The following ACOT11 variants were observed in gnomAD, a reference collection of about 807,000 sequenced individuals.
ACOT11 encodes acyl-coenzyme A thioesterase 11.
In ACOT11, 69 loss-of-function variants were observed where a neutral mutation model predicts 77.5. The ratio of observed to expected loss-of-function variants is 0.89; its 90% confidence interval spans 0.73 to 1.09. The LOEUF is 1.09. Ranked by LOEUF, ACOT11 falls within the 50% of genes least tolerant of loss-of-function variation. The pLI, the probability that ACOT11 is intolerant of heterozygous loss-of-function variation, is 0.00. For synonymous variants in ACOT11, 279 were observed against 313.0 expected, an observed-to-expected ratio of 0.89 and a Z score of 1.15; for missense variants, 766 against 813.7, an observed-to-expected ratio of 0.94 and a Z score of 0.71.
downstream of ACOT11, among the ~76,000 whole-genome samples, chr1:54,614,215 G>C (rs556557428): frequency 1.3e-5 from 2 of 152,274 alleles, no homozygotes; most frequent in Non-Finnish European, 2.9e-5. Context: ...GTATGTGAGG[G>C]CTGTGAGCAG....
In ACOT11 at chr1:54,548,369, G is replaced by T. The variant is rs748352795; in HGVS notation, c.33+27G>T. On this transcript the variant is annotated intron_variant, in intron 1 of 15. Coordinates refer to ENST00000343744, the MANE Select transcript of ACOT11 (RefSeq NM_147161.4). ...TATGGAGGGTGGGCTGGGGCAGCGG[G>T]AGGGCTCTGGAAGCTGGGCACCCAG... is the stretch of plus-strand genomic sequence containing the variant. The T allele has an allele frequency of 1.3e-5, 20 of 1,595,468 alleles. No homozygotes were observed. Among genetic ancestry groups the T allele is most frequent in the Non-Finnish European group, 1.6e-5 (19 of 1,171,216 alleles).
downstream of ACOT11, among the ~76,000 whole-genome samples, chr1:54,613,451 T>G (rs1644139644): frequency 6.6e-6 from 1 of 151,662 alleles, no homozygotes; most frequent in Admixed American, 6.6e-5. Flanking sequence ...CTTCCCTTCA[T>G]GTCTTTCTCT....
intron 3 of ACOT11, among the ~76,000 whole-genome samples, chr1:54,587,062 A>C (rs528511767): frequency 1.9e-4 from 29 of 152,234 alleles, no homozygotes; most frequent in Admixed American, 1.2e-3. Flanking sequence ...CCCTCACCAC[A>C]CACTTAATAT....
In ACOT11 at chr1:54,559,010, CCT is replaced by C. The variant is rs572317909; in HGVS notation, c.33+10669_33+10670del. 1.8e-3 allele frequency among the ~76,000 whole-genome samples: 277 copies of C among 152,302 alleles called. 1 individual carries two copies. The highest frequency in any genetic ancestry group is 2.0e-3 in the Non-Finnish European group (133 of 68,022). On this transcript the variant is annotated intron_variant, in intron 1 of 15. Coordinates refer to ENST00000343744, the MANE Select transcript of ACOT11 (RefSeq NM_147161.4). ...GTCTCAGCTGCCTCCCCATTCACCC[CCT>C]GACTCCTCACAACAGGGAGGTGGGT...
intron 16 of ACOT11, among the ~76,000 whole-genome samples, chr1:54,633,225 A>C (rs2101035127): frequency 6.6e-6 from 1 of 152,358 alleles, no homozygotes; most frequent in Admixed American, 6.5e-5. Flanking sequence ...CACATTGGCC[A>C]CTAAGTAAAG....
At chr1:54,561,299 T>C (rs1188873703) in intron 1 of ACOT11, among the ~76,000 whole-genome samples, 12 of 98,086 alleles carry the variant, frequency 1.2e-4, no homozygotes, top group East Asian at 2.6e-4. Context: ...GGATTGGTGA[T>C]GACTCTTAAC....
At chr1:54,615,889 G>T in intron 15 of ACOT11, 2 of 905,882 alleles carry the variant, frequency 2.2e-6, no homozygotes, top group Non-Finnish European at 3.5e-6. Context: ...CTATAACATT[G>T]TGATGAGAAA....
chr1:54,570,077 G>A (rs191525706), intron 1 of ACOT11, among the ~76,000 whole-genome samples: 64 of 152,304 alleles, frequency 4.2e-4, no homozygotes, highest in Admixed American at 7.8e-4. Flanking sequence ...AGCATGCCTT[G>A]TTCTCAGTGA....
chr1:54,630,376 A>G (rs1277805515), intron 15 of ACOT11, among the ~76,000 whole-genome samples: 1 of 152,182 alleles, frequency 6.6e-6, no homozygotes, highest in Non-Finnish European at 1.5e-5. Flanking sequence ...CATGCCCATA[A>G]TGGCCCTAAT....
At chr1:54,548,373 G>A in intron 1 of ACOT11, 31 bp downstream of exon 1, 1 of 1,591,882 alleles carries the variant, frequency 6.3e-7, no homozygotes, top group South Asian at 1.1e-5. Flanking sequence ...CAGCGGGAGG[G>A]CTCTGGAAGC....
intron 16 of ACOT11, among the ~76,000 whole-genome samples, chr1:54,633,391 A>G (rs1323720416): frequency 6.6e-6 from 1 of 152,264 alleles, no homozygotes; most frequent in Non-Finnish European, 1.5e-5. Context: ...CAGTTCAGTT[A>G]TACAACCTAT....
intron 1 of ACOT11, among the ~76,000 whole-genome samples, chr1:54,575,301 C>T (rs942144715): frequency 1.1e-4 from 17 of 152,128 alleles, no homozygotes; most frequent in Non-Finnish European, 2.5e-4. Flanking sequence ...CAGGAAATGC[C>T]CTCCCTACTC....
chr1:54,594,185 C>A (rs905404525), intron 5 of ACOT11, 146 bp downstream of exon 5: 4 of 696,178 alleles, frequency 5.7e-6, no homozygotes, highest in African/African-American at 1.8e-5. Flanking sequence ...TGAGGAAGGC[C>A]CACCCCTCAT....
chr1:54,611,786 G>A, downstream of ACOT11: 2 of 1,611,422 alleles, frequency 1.2e-6, no homozygotes, highest in Non-Finnish European at 1.7e-6. Context: ...TCTGGGCCCA[G>A]CAAGACCCTC....
intron 15 of ACOT11, among the ~76,000 whole-genome samples, chr1:54,628,976 T>A (rs1046572754): frequency 7.9e-6 from 1 of 126,624 alleles, no homozygotes; most frequent in African/African-American, 2.7e-5. Flanking sequence ...GGAGAATCAC[T>A]TGAACCGGGG....
intron 6 of ACOT11, among the ~76,000 whole-genome samples, chr1:54,595,516 C>T (rs939851170): frequency 5.3e-5 from 8 of 152,220 alleles, no homozygotes; most frequent in African/African-American, 9.6e-5. Context: ...GAATCCAGGT[C>T]GTCTCCCCAG....
At chr1:54,559,862 C>T (rs911046127) in intron 1 of ACOT11, among the ~76,000 whole-genome samples, 3 of 152,202 alleles carry the variant, frequency 2.0e-5, no homozygotes, top group African/African-American at 7.2e-5. Context: ...TGGGCAGGGG[C>T]CCTGGGTGCT....
At chr1:54,570,579 C>T (rs1653896556) in intron 1 of ACOT11, among the ~76,000 whole-genome samples, 1 of 151,966 alleles carries the variant, frequency 6.6e-6, no homozygotes, top group East Asian at 1.9e-4. Flanking sequence ...GTGGAGTGAT[C>T]TCAGCTCACT....
chr1:54,635,071 A>G (rs1644323647), exon 17 of ACOT11: 1 of 331,934 alleles, frequency 3.0e-6, no homozygotes, highest in Non-Finnish European at 5.4e-6. Context: ...CTCAGTATTT[A>G]CCATAATAAA....
Sources: allele counts gnomAD v4.1 joint callset (sites outside exome capture counted in the v4.1 genomes callset), GRCh38; gene constraint gnomAD v4.1.1; transcripts MANE v1.5; gene names NCBI Gene and HGNC (gene_info 2026-07-23, HGNC 2026-07-21).